The following LRP2 variants were observed in gnomAD, a reference collection of about 807,000 sequenced individuals.
LRP2 encodes the protein LDL receptor related protein 2.
Under a neutral mutation model 531.0 loss-of-function variants are expected in LRP2, and 172 were observed. The ratio of observed to expected loss-of-function variants is 0.32; its 90% CI spans 0.29 to 0.37. The LOEUF is 0.37. Ranked by LOEUF, LRP2 falls within the 10% of genes least tolerant of loss-of-function variation. The probability of loss-of-function intolerance (pLI) is 1.00; values close to 1 mark genes in which losing one functional copy is unlikely to be tolerated. For missense variants in LRP2, 5,167 were observed against 5,868.3 expected, an observed-to-expected ratio of 0.88 and a Z score of 3.90; for synonymous variants, 1,992 against 2,027.6, an observed-to-expected ratio of 0.98 and a Z score of 0.47.
chr2:169,322,815 A>G (rs2105519191), intron 1 of LRP2, among the ~76,000 whole-genome samples: 1 of 152,310 alleles, frequency 6.6e-6, no homozygotes, highest in South Asian at 2.1e-4. Context: ...CCTCTTACAG[A>G]CAGTTTCATA....
intron 71 of LRP2, among the ~76,000 whole-genome samples, chr2:169,142,122 C>G (rs1415236477): frequency 6.6e-6 from 1 of 152,186 alleles, no homozygotes; most frequent in African/African-American, 2.4e-5. Context: ...GTTATTCGCC[C>G]CCATCCGGCT....
At chr2:169,327,416 C>A (rs1685114124) in intron 1 of LRP2, among the ~76,000 whole-genome samples, 1 of 132,858 alleles carries the variant, frequency 7.5e-6, no homozygotes, top group South Asian at 2.5e-4. Context: ...CCGGGCCAGC[C>A]ACCCCGTCCG....
chr2:169,272,316 G>T lies in LRP2; in HGVS notation c.2116+611C>A, dbSNP rs183693530. Among the ~76,000 whole-genome samples the T allele has an allele frequency of 2.6e-5, 4 of 152,180 alleles. 1 individual carries two copies. In the East Asian group the frequency reaches 7.7e-4, roughly 29 times the overall value. On this transcript the variant is annotated intron_variant, in intron 15 of 78. Transcript: ENST00000649046. ...AAAGAGGAAGAAAGGAAACCTTCAA[G>T]GTAAGAATGAAATCAGGAATATGGA...
intron 1 of LRP2, among the ~76,000 whole-genome samples, chr2:169,330,241 C>A (rs1403884178): frequency 1.3e-5 from 2 of 152,166 alleles, no homozygotes; most frequent in Non-Finnish European, 2.9e-5. Context: ...TTCTGAGTAT[C>A]CAGGCCACAG....
chr2:169,294,916 G>A (rs1045676192), intron 4 of LRP2, among the ~76,000 whole-genome samples: 3 of 151,954 alleles, frequency 2.0e-5, no homozygotes, highest in Non-Finnish European at 4.4e-5. Flanking sequence ...GACACAAATG[G>A]TAAATTACAA....
chr2:169,195,717 C>G (rs998078827), intron 46 of LRP2, among the ~76,000 whole-genome samples: 2 of 152,132 alleles, frequency 1.3e-5, no homozygotes. Flanking sequence ...ACTCATCCAG[C>G]AGTTATTAGT....
At chr2:169,305,867 A>G (rs927265293) in intron 4 of LRP2, among the ~76,000 whole-genome samples, 2 of 152,042 alleles carry the variant, frequency 1.3e-5, no homozygotes, top group East Asian at 1.9e-4. Flanking sequence ...TTGTGTTCCA[A>G]TTGCCTGTAG....
rs1282452390 is a variant in LRP2, at chr2:169,247,576, T to C, written c.2771-61A>G. 1.1e-5 allele frequency: 17 copies of C among 1,573,760 alleles called. No individual in the cohort carries two copies. In the East Asian group the frequency reaches 1.6e-4, roughly 15 times the overall value. On this transcript the variant is annotated intron_variant, in intron 19 of 78. Coordinates refer to ENST00000649046, the MANE Select transcript of LRP2 (RefSeq NM_004525.3). ...CACAGCTAACTTATAAATAAATCAC[T>C]TGAGAAAATGCAATAGGCTTGAAAT...
chr2:169,215,184 G>A (rs555498406), intron 35 of LRP2, among the ~76,000 whole-genome samples: 67 of 152,152 alleles, frequency 4.4e-4, no homozygotes, highest in African/African-American at 1.6e-3. Flanking sequence ...GTCCATATTC[G>A]GAGTGAAGTT....
intron 7 of LRP2, 99 bp from the exon 8 acceptor site, chr2:169,291,096 G>T: frequency 9.6e-7 from 1 of 1,038,330 alleles, no homozygotes. Context: ...AGTTGAACAA[G>T]AGAAATCTAT....
intron 9 of LRP2, among the ~76,000 whole-genome samples, chr2:169,287,773 A>G (rs1683896670): frequency 1.3e-5 from 2 of 151,282 alleles, no homozygotes; most frequent in African/African-American, 4.8e-5. Flanking sequence ...AGACTGAATA[A>G]CTGCATTAGG....
intron 19 of LRP2, among the ~76,000 whole-genome samples, 162 bp from the exon 20 acceptor site, chr2:169,247,677 C>A (rs1329394867): frequency 6.6e-6 from 1 of 152,198 alleles, no homozygotes; most frequent in South Asian, 2.1e-4. Context: ...CGACTTGTTA[C>A]TCCCTAGTAA....
At chr2:169,315,636 T>C (rs1684737653) in intron 3 of LRP2, among the ~76,000 whole-genome samples, 1 of 152,134 alleles carries the variant, frequency 6.6e-6, no homozygotes, top group African/African-American at 2.4e-5. Context: ...ACTAGTCACA[T>C]CTTGGAAGCC....
At chr2:169,349,183 T>C (rs1418836737) in intron 1 of LRP2, among the ~76,000 whole-genome samples, 2 of 152,130 alleles carry the variant, frequency 1.3e-5, no homozygotes, top group African/African-American at 4.8e-5. Flanking sequence ...TTACATACCT[T>C]ATGTCAGATG....
At chr2:169,298,341 C>T (rs1684186803) in intron 4 of LRP2, among the ~76,000 whole-genome samples, 1 of 151,954 alleles carries the variant, frequency 6.6e-6, no homozygotes, top group South Asian at 2.1e-4. Flanking sequence ...ATGATGACTC[C>T]CATTTTATAG....
At chr2:169,296,813 G>A (rs527549872) in intron 4 of LRP2, among the ~76,000 whole-genome samples, 79 of 152,232 alleles carry the variant, frequency 5.2e-4, no homozygotes, top group African/African-American at 1.8e-3. Context: ...ATGACTACAA[G>A]TTTACTGACA....
At chr2:169,292,204 A>C (rs1450773348) in intron 7 of LRP2, 49 bp downstream of exon 7, 1 of 1,354,940 alleles carries the variant, frequency 7.4e-7, no homozygotes, top group African/African-American at 1.4e-5. Context: ...AAGCGCTGGA[A>C]AACACTTGAA....
chr2:169,308,900 T>C (rs1684506057), intron 3 of LRP2, among the ~76,000 whole-genome samples: 1 of 152,128 alleles, frequency 6.6e-6, no homozygotes, highest in South Asian at 2.1e-4. Context: ...TCTTGACTTT[T>C]TAATGATCAC....
At chr2:169,360,732 G>T (rs1686126637) in intron 1 of LRP2, among the ~76,000 whole-genome samples, 1 of 152,184 alleles carries the variant, frequency 6.6e-6, no homozygotes, top group Non-Finnish European at 1.5e-5. Context: ...TCAAAGGAAG[G>T]TTATTAATGA....
Sources: gnomAD v4.1 joint callset for allele counts (sites outside exome capture counted in the v4.1 genomes callset) on GRCh38, gnomAD v4.1.1 for gene constraint, MANE v1.5 for transcripts, NCBI Gene and HGNC (gene_info 2026-07-23, HGNC 2026-07-21) for gene names.